The following RBM33 variants were observed in gnomAD, a reference collection of about 807,000 sequenced individuals.
RBM33 encodes RNA binding motif protein 33.
RBM33 carries 28 observed loss-of-function variants against 132.6 expected under a neutral mutation model. The observed-to-expected ratio is 0.21, with a 90% CI of 0.16 to 0.29. RBM33 has a LOEUF of 0.29. RBM33 is among the 10% of genes least tolerant of loss of function. The probability of loss-of-function intolerance (pLI) is 1.00; values close to 1 mark genes in which losing one functional copy is unlikely to be tolerated. For synonymous variants in RBM33, 634 were observed against 593.0 expected (o/e 1.07, Z -1.01); for missense variants, 1,291 against 1,518.5 (o/e 0.85, Z 2.49).
chr7:155,746,266 G>T (rs188767569), intron 14 of RBM33, among the ~76,000 whole-genome samples: 1 of 152,270 alleles, frequency 6.6e-6, no homozygotes, highest in African/African-American at 2.4e-5. Flanking sequence ...GAGCAGCTGT[G>T]GGACAGTGGG....
intron 11 of RBM33, chr7:155,738,916 G>C (rs1354247355): frequency 6.4e-6 from 1 of 156,382 alleles, no homozygotes; most frequent in African/African-American, 2.4e-5. Context: ...CTGCCCATCG[G>C]CTTCTGCTTC....
At chr7:155,664,416 G>A (rs7808264) in intron 1 of RBM33, among the ~76,000 whole-genome samples, 118,372 of 150,572 alleles carry the variant, frequency 0.79, 47,152 homozygotes, top group African/African-American at 0.91. Context: ...GTGCACCTCC[G>A]TGCCTGGCTG....
intron 1 of RBM33, among the ~76,000 whole-genome samples, chr7:155,657,615 C>A (rs1461823998): frequency 6.6e-6 from 1 of 152,146 alleles, no homozygotes; most frequent in Non-Finnish European, 1.5e-5. Flanking sequence ...TCAAGCAATC[C>A]TCGCTTCTCA....
In RBM33 at chr7:155,707,332, C is replaced by T. The variant is rs1449091935; in HGVS notation, c.948+264C>T. The T allele has an allele frequency of 8.5e-6, 5 of 590,860 alleles. No homozygotes were observed. In the Admixed American group the frequency reaches 1.1e-4, roughly 13 times the overall value. 36.6% of individuals were successfully genotyped at this position (590,860 alleles called of 1,614,324 possible). On this transcript the variant is annotated intron_variant, in intron 7 of 17. Transcript: ENST00000401878. ...AGGAATTAATGAGCGACCTGATGCC[C>T]TAAGATGACATAAGCTGTTGGACCT...
At chr7:155,735,723 C>T (rs1237983316) in intron 9 of RBM33, among the ~76,000 whole-genome samples, 1 of 145,138 alleles carries the variant, frequency 6.9e-6, no homozygotes, top group Non-Finnish European at 1.5e-5. Context: ...CTCTCTGTCT[C>T]TCTCTCTCTC....
chr7:155,693,018 A>T (rs1563146764), intron 5 of RBM33, among the ~76,000 whole-genome samples: 1 of 152,200 alleles, frequency 6.6e-6, no homozygotes, highest in Non-Finnish European at 1.5e-5. Context: ...GAGCAAGATG[A>T]TAGAATTCTT....
At chr7:155,756,824 G>GGT (rs10667023) in intron 14 of RBM33, among the ~76,000 whole-genome samples, 9,830 of 152,192 alleles carry the variant, frequency 0.065, 479 homozygotes, top group African/African-American at 0.14. Flanking sequence ...CGGGTAGCTT[G>GGT]GTGGTGGGTA....
intron 6 of RBM33, chr7:155,701,210 C>T: frequency 3.7e-6 from 2 of 537,478 alleles, no homozygotes; most frequent in Non-Finnish European, 6.5e-6. Flanking sequence ...TGGCCTACAG[C>T]TGCTCTTGTA....
chr7:155,656,425 C>G (rs985338481), intron 1 of RBM33, among the ~76,000 whole-genome samples: 2 of 152,160 alleles, frequency 1.3e-5, no homozygotes, highest in African/African-American at 4.8e-5. Context: ...TGCAGCCAGT[C>G]TTTAAGAAGT....
At chr7:155,704,970 A>AG (rs1800072499) in intron 6 of RBM33, among the ~76,000 whole-genome samples, 10 of 152,096 alleles carry the variant, frequency 6.6e-5, no homozygotes, top group Admixed American at 6.5e-4. Flanking sequence ...TTTAAAAAAA[A>AG]GTCAGACTGT....
At chr7:155,707,211 T>C (rs1472679726) in intron 7 of RBM33, 143 bp downstream of exon 7, 1 of 776,696 alleles carries the variant, frequency 1.3e-6, no homozygotes, top group Middle Eastern at 2.2e-4. Context: ...GTTTCTGCTT[T>C]ATAGTCTCAT....
chr7:155,685,238 C>T (rs975785853), intron 5 of RBM33, among the ~76,000 whole-genome samples: 1 of 152,078 alleles, frequency 6.6e-6, no homozygotes, highest in Non-Finnish European at 1.5e-5. Context: ...TTCCGCATAG[C>T]GTGTGCCGTT....
intron 6 of RBM33, among the ~76,000 whole-genome samples, chr7:155,706,080 T>G (rs1800103517): frequency 1.3e-5 from 2 of 152,250 alleles, no homozygotes; most frequent in Non-Finnish European, 2.9e-5. Context: ...CGGGAATTTG[T>G]GTTCTTGCGT....
chr7:155,657,213 T>C (rs898452258), intron 1 of RBM33, among the ~76,000 whole-genome samples: 1 of 152,210 alleles, frequency 6.6e-6, no homozygotes, highest in Admixed American at 6.5e-5. Flanking sequence ...TAATTTTGGC[T>C]TTTGTAGATT....
At chr7:155,657,891 GT>G (rs1312427892) in intron 1 of RBM33, among the ~76,000 whole-genome samples, 1 of 152,088 alleles carries the variant, frequency 6.6e-6, no homozygotes, top group African/African-American at 2.4e-5. Flanking sequence ...TTGGCCTAAC[GT>G]GTATCAGGGA....
At chr7:155,747,438 G>A (rs1047792517) in intron 14 of RBM33, among the ~76,000 whole-genome samples, 5 of 152,300 alleles carry the variant, frequency 3.3e-5, no homozygotes, top group African/African-American at 4.8e-5. Context: ...TACAATGGCC[G>A]ATGTAGAGGG....
intron 16 of RBM33, among the ~76,000 whole-genome samples, chr7:155,769,464 C>T (rs373281113): frequency 7.2e-5 from 11 of 152,256 alleles, no homozygotes; most frequent in Non-Finnish European, 1.3e-4. Flanking sequence ...GGAGAGCCCT[C>T]GGAGATGCAG....
chr7:155,747,812 C>T (rs1008402126), intron 14 of RBM33, among the ~76,000 whole-genome samples: 11 of 152,210 alleles, frequency 7.2e-5, no homozygotes, highest in African/African-American at 2.2e-4. Context: ...ATGTCTTGTT[C>T]GTATTTCTCT....
At chr7:155,649,168 T>C (rs1798288063) in intron 1 of RBM33, among the ~76,000 whole-genome samples, 1 of 152,226 alleles carries the variant, frequency 6.6e-6, no homozygotes, top group Non-Finnish European at 1.5e-5. Context: ...TTTTTAAGGC[T>C]CTGCTTATTT....
Sources: gnomAD v4.1 joint callset for allele counts (sites outside exome capture counted in the v4.1 genomes callset) on GRCh38, gnomAD v4.1.1 for gene constraint, MANE v1.5 for transcripts, NCBI Gene and HGNC (gene_info 2026-07-23, HGNC 2026-07-21) for gene names.